Variants in TMEM120A observed in about 807,000 individuals in gnomAD.
TMEM120A encodes the protein transmembrane protein 120A, also known as ion channel TACAN.
TMEM120A carries 45 observed loss-of-function variants against 54.3 expected under a neutral mutation model. That is an observed-to-expected ratio of 0.83 (90% CI 0.65 to 1.06). The LOEUF (loss-of-function observed/expected upper bound fraction) is 1.06, where lower values mean the gene tolerates loss of function less well. Among genes scored for constraint, TMEM120A ranks in the 50% least tolerant of loss-of-function variants. The pLI is 0.00. For missense variants in TMEM120A, 424 were observed against 441.7 expected, an observed-to-expected ratio of 0.96 and a Z score of 0.36; for synonymous variants, 204 against 178.5, an observed-to-expected ratio of 1.14 and a Z score of -1.14.
chr7:75,990,160 C>G (rs1399514229), intron 3 of TMEM120A, among the ~76,000 whole-genome samples: 1 of 152,206 alleles, frequency 6.6e-6, no homozygotes, highest in African/African-American at 2.4e-5. Flanking sequence ...CACCAGGCTG[C>G]GGATGTGTCC....
intron 4 of TMEM120A, 39 bp downstream of exon 4, chr7:75,989,125 GA>G: frequency 2.8e-6 from 2 of 714,346 alleles, no homozygotes; most frequent in South Asian, 3.1e-5. Context: ...GCTAGGGGTG[GA>G]GGGGTGGAGG....
At position 75,988,233 on chromosome 7, in the gene TMEM120A, C is replaced by A; in HGVS notation, c.563+19G>T. 1 of 1,611,918 alleles carries A rather than the reference C, an allele frequency of 6.2e-7. No homozygotes were observed. ...CACCCCATTCCATGCTCCCCTCCCT[C>A]AGGGCCCGCCCTGCCCACCGGGAGC... On this transcript the variant is annotated intron_variant, in intron 6 of 11. Transcript: ENST00000493111.
chr7:75,989,418 G>T (rs191277870), intron 3 of TMEM120A, among the ~76,000 whole-genome samples, 194 bp from the exon 4 acceptor site: 10 of 151,418 alleles, frequency 6.6e-5, no homozygotes, highest in African/African-American at 2.4e-4. Flanking sequence ...CTTCCTGGCC[G>T]CCTGCTCCGG....
Position 75,987,605 on chromosome 7 carries a change from G to A in TMEM120A, c.785-3C>T, listed in dbSNP as rs782165201. On this transcript the variant is annotated splice_polypyrimidine_tract_variant and splice_region_variant and intron_variant, in intron 9 of 11. Coordinates refer to ENST00000493111, the MANE Select transcript of TMEM120A (RefSeq NM_031925.3). ...CCACATCCAGGACTGGAAGCCCTCT[G>A]CGGGGAGGAAGGTCAGGGCACAGGA... 1 of 1,608,496 alleles carries A rather than the reference G, an allele frequency of 6.2e-7. No homozygotes were observed. The highest frequency in any genetic ancestry group is 8.5e-7 in the Non-Finnish European group (1 of 1,178,038).
rs1491080618 is a variant in TMEM120A at position 75,987,081 on chromosome 7, C to CTGA, written c.*88_*90dup. 4 of 1,092,864 alleles carry CTGA rather than the reference C, an allele frequency of 3.7e-6. No homozygotes were observed. Among genetic ancestry groups the CTGA allele is most frequent in the Non-Finnish European group, 5.4e-6 (4 of 736,328 alleles). 67.7% of individuals were successfully genotyped at this position (1,092,864 alleles called of 1,614,324 possible). ...CCCAAGGGAGAATAGAAGAGACCCCCTGATACACGCACACTCGAGGGGCGC... is the reference window on the plus strand; with the variant it reads ...CCCAAGGGAGAATAGAAGAGACCCCCTGATGATACACGCACACTCGAGGGGCGC... On this transcript the variant is annotated 3_prime_UTR_variant, in exon 12 of 12. Coordinates refer to ENST00000493111, the MANE Select transcript of TMEM120A (RefSeq NM_031925.3).
rs373610271 is a variant in TMEM120A, at chr7:75,988,118, G to A, written c.594C>T (p.Tyr198=). Residue 198 remains tyrosine (Y), a synonymous_variant, in exon 7 of 12, where the codon TAC becomes TAT. Coordinates refer to ENST00000493111, the MANE Select transcript of TMEM120A (RefSeq NM_031925.3). Reference sequence around the variant, plus strand: ...TGACTCCCGACAGGAAGGTGGACACGTAGTGATGGAACACCCACCAGCCTT... The same window carrying A: ...TGACTCCCGACAGGAAGGTGGACACATAGTGATGGAACACCCACCAGCCTT... ...RIKGWWVFHH[Y]VSTFLSGVML... The A allele has an allele frequency of 1.0e-4, 164 of 1,610,154 alleles. 2 individuals are homozygous for A. The East Asian group carries it at 1.5e-3, about 14-fold the overall frequency.
At chr7:75,987,634 C>G in intron 9 of TMEM120A, 32 bp from the exon 10 acceptor site, 1 of 1,605,222 alleles carries the variant, frequency 6.2e-7, no homozygotes, top group Non-Finnish European at 8.5e-7. Context: ...CACAGGACGG[C>G]CAGGGACAGA....
rs1554561935 is a variant in TMEM120A at position 75,992,131 on chromosome 7, T to G, written c.317+13A>C. On this transcript the variant is annotated intron_variant, in intron 3 of 11. Coordinates refer to ENST00000493111, the MANE Select transcript of TMEM120A (RefSeq NM_031925.3). Reference sequence around the variant, plus strand: ...CTGTGAACTGAGCTGGGGGTGGCGGTGGGGGCCCTCACCCATTCTTCTTAG... The same window carrying G: ...CTGTGAACTGAGCTGGGGGTGGCGGGGGGGGCCCTCACCCATTCTTCTTAG... 1.3e-6 allele frequency: 2 copies of G among 1,569,340 alleles called. No homozygotes were observed. The highest frequency in any genetic ancestry group is 1.7e-6 in the Non-Finnish European group (2 of 1,152,318).
chr7:75,994,528 C>A lies in TMEM120A; in HGVS notation c.43G>T (p.Asp15Tyr). The A allele has an allele frequency of 6.4e-7, 1 of 1,564,974 alleles. No homozygotes were observed. The highest frequency in any genetic ancestry group is 8.6e-7 in the Non-Finnish European group (1 of 1,156,214). The change falls in exon 1 of 12, where the codon GAC (aspartate) becomes TAC (tyrosine). Residue 15 changes from aspartate (D) to tyrosine (Y), a missense_variant. By Grantham distance (160) the Asp-to-Tyr change is radical. Transcript: ENST00000493111. Reference sequence around the variant, plus strand: ...AAGTCCTGCTGTAGATCCTCCCAGTCCCGCAGGCAGTCGCCCAGCGGGCCC... The same window carrying A: ...AAGTCCTGCTGTAGATCCTCCCAGTACCGCAGGCAGTCGCCCAGCGGGCCC... ...PPGPLGDCLR[D>Y]WEDLQQDFQN...
rs1789516981 is a variant in TMEM120A, at chr7:75,986,954, C to T, written c.*218G>A. 6.6e-6 allele frequency: 4 copies of T among 602,428 alleles called. No homozygotes were observed. Among genetic ancestry groups the T allele is most frequent in the Non-Finnish European group, 1.2e-5 (4 of 339,638 alleles). 37.3% of individuals were successfully genotyped at this position (602,428 alleles called of 1,614,324 possible). A position where few individuals can be genotyped will look rare whatever the true frequency, so the allele number is the denominator to read the frequency against. On this transcript the variant is annotated 3_prime_UTR_variant, in exon 12 of 12. Transcript: ENST00000493111. ...CATGTGGTGGGGCCACCCAGCCCTC[C>T]CCTCCCCCAGGAGAACACACACGCT... is the stretch of plus-strand genomic sequence containing the variant.
Position 75,987,348 on chromosome 7 carries a change from AC to A in TMEM120A, c.918+11del. On this transcript the variant is annotated intron_variant, in intron 11 of 11. Transcript: ENST00000493111. Reference sequence around the variant, plus strand: ...GGCCCCCCATCCATCCTGTCCAGGGACCCCGGCTCACCTGCCACTCCTTGCA... The same window carrying A: ...GGCCCCCCATCCATCCTGTCCAGGGACCCGGCTCACCTGCCACTCCTTGCA... The A allele has an allele frequency of 6.4e-7, 1 of 1,556,768 alleles. No homozygotes were observed. Among genetic ancestry groups the A allele is most frequent in the Non-Finnish European group, 8.7e-7 (1 of 1,151,418 alleles).
In TMEM120A at chr7:75,987,757, G is replaced by A. The variant is rs781943871; in HGVS notation, c.745C>T (p.Arg249Trp). ...YYQSGCLYRL[R>W]ALGERHTMDL... is the part of the protein sequence containing the mutation. ...ATGGTGTGCCGCTCGCCCAGCGCCC[G>A]CAGGCGGTAGAGGCAGCCGCTCTGG... The change falls in exon 9 of 12, where the codon CGG (arginine) becomes TGG (tryptophan). Residue 249 changes from arginine (R) to tryptophan (W), a missense_variant. Coordinates refer to ENST00000493111, the MANE Select transcript of TMEM120A (RefSeq NM_031925.3). 6.2e-6 allele frequency: 10 copies of A among 1,612,254 alleles called. No homozygotes were observed. Among genetic ancestry groups the A allele is most frequent in the Non-Finnish European group, 8.5e-6 (10 of 1,179,748 alleles).
Position 75,987,522 on chromosome 7 carries a change from C to CAG in TMEM120A, c.849+14_849+15dup, listed in dbSNP as rs782212691. ...ACGGACAGACAGACAGGCAGGGACA[C>CAG]AGAGGCACGACTTACGTGTCCAAAG... On this transcript the variant is annotated intron_variant, in intron 10 of 11. Coordinates refer to ENST00000493111, the MANE Select transcript of TMEM120A (RefSeq NM_031925.3). The CAG allele has an allele frequency of 4.0e-4, 629 of 1,582,004 alleles. 3 individuals carry two copies. Among genetic ancestry groups the CAG allele is most frequent in the South Asian group, 9.6e-4 (84 of 87,076 alleles).
chr7:75,989,304 GA>G, intron 3 of TMEM120A, 80 bp from the exon 4 acceptor site: 2 of 962,788 alleles, frequency 2.1e-6, no homozygotes, highest in Non-Finnish European at 3.3e-6. Context: ...TGCCAGGCCA[GA>G]GCCTGGGCCA....
rs1193938674 is a variant in TMEM120A, at chr7:75,989,051, A to G, written c.377+114T>C. 36 of 141,054 alleles carry G rather than the reference A, an allele frequency of 2.6e-4. 3 individuals carry two copies. Among genetic ancestry groups the G allele is most frequent in the South Asian group, 1.4e-3 (28 of 19,724 alleles). The allele number at this position is 141,054 out of a possible 1,614,324, so 8.7% of individuals were successfully genotyped here. A position where few individuals can be genotyped will look rare whatever the true frequency, so the allele number is the denominator to read the frequency against. ...AGGCCGGGTTGGGGGGTGGAGGGGAAGGCCGGGTTCCGGGGGAAGGCTGGG... is the reference window on the plus strand; with the variant it reads ...AGGCCGGGTTGGGGGGTGGAGGGGAGGGCCGGGTTCCGGGGGAAGGCTGGG... On this transcript the variant is annotated intron_variant, in intron 4 of 11. Transcript: ENST00000493111.
At position 75,992,580 on chromosome 7, in the gene TMEM120A, T is replaced by C. The variant is rs782236654; in HGVS notation, c.82-23A>G. The C allele has an allele frequency of 9.1e-6, 14 of 1,530,580 alleles. No homozygotes were observed. The Admixed American group carries it at 1.8e-4, about 19-fold the overall frequency. 94.8% of individuals were successfully genotyped at this position (1,530,580 alleles called of 1,614,324 possible). ...CTCCTGGGGGCCGGAGGGGAGAGGC[T>C]CAGGCCAGTTGGGGAGCTACTGAGC... is the stretch of plus-strand genomic sequence containing the variant. On this transcript the variant is annotated intron_variant, in intron 1 of 11. Transcript: ENST00000493111.
rs976068861 is a variant in TMEM120A, at chr7:75,994,379, C to T, written c.81+111G>A. 9.2e-6 allele frequency: 9 copies of T among 981,486 alleles called. 1 individual carries two copies. The South Asian group carries it at 1.0e-4, about 11-fold the overall frequency. The allele number at this position is 981,486 out of a possible 1,614,324, so 60.8% of individuals were successfully genotyped here. A position where few individuals can be genotyped will look rare whatever the true frequency, so the allele number is the denominator to read the frequency against. ...CCCCCTTGGCAGTGACGCCAGGGCC[C>T]CGACCCCTGACCCTTAGCTCCCCAC... is the stretch of plus-strand genomic sequence containing the variant. On this transcript the variant is annotated intron_variant, in intron 1 of 11. Coordinates refer to ENST00000493111, the MANE Select transcript of TMEM120A (RefSeq NM_031925.3).
intron 3 of TMEM120A, among the ~76,000 whole-genome samples, chr7:75,990,557 A>G (rs1023479110): frequency 2.0e-5 from 3 of 151,864 alleles, no homozygotes; most frequent in Non-Finnish European, 4.4e-5. Flanking sequence ...CCTAGTTGCT[A>G]ATTCTCTCCC....
intron 3 of TMEM120A, 44 bp downstream of exon 3, chr7:75,992,100 G>C (rs1554561919): frequency 2.1e-6 from 3 of 1,400,696 alleles, no homozygotes; most frequent in African/African-American, 2.9e-5. Context: ...CCGGCTTCAG[G>C]AGTGGCTGTG....
Sources: gnomAD v4.1 joint callset for allele counts (sites outside exome capture counted in the v4.1 genomes callset) on GRCh38, gnomAD v4.1.1 for gene constraint, MANE v1.5 for transcripts, NCBI Gene and HGNC (gene_info 2026-07-23, HGNC 2026-07-21) for gene names.